The following IDO1 variants were observed in gnomAD, a reference collection of about 807,000 sequenced individuals.
IDO1 encodes the protein indolamine 2,3 dioxygenase.
In IDO1, 35 loss-of-function variants were observed where a neutral mutation model predicts 38.8. The observed-to-expected ratio is 0.90, with a 90% CI of 0.69 to 1.20. The LOEUF is 1.20. Ranked by LOEUF, IDO1 falls within the 50% of genes most tolerant of loss-of-function variation. The pLI is 0.00. For synonymous variants in IDO1, 171 were observed against 170.0 expected (o/e 1.01, Z -0.05); for missense variants, 509 against 485.1 (o/e 1.05, Z -0.46).
intron 9 of IDO1, 29 bp downstream of exon 9, chr8:39,925,400 T>A (rs1485220566): frequency 6.3e-7 from 1 of 1,593,456 alleles, no homozygotes; most frequent in East Asian, 2.2e-5. Flanking sequence ...GAAATAATTA[T>A]CTCTTATGTG....
At chr8:39,918,379 T>C (rs1807212568) in intron 3 of IDO1, 172 bp downstream of exon 3, 1 of 607,598 alleles carries the variant, frequency 1.6e-6, no homozygotes, top group South Asian at 2.4e-5. Context: ...CTGTTATCAT[T>C]ATTATATTTT....
Position 39,928,639 on chromosome 8 carries a change from A to G in IDO1, c.*454A>G, listed in dbSNP as rs1338821577. On this transcript the variant is annotated 3_prime_UTR_variant, in exon 10 of 10. Transcript: ENST00000518237. ...TCCCAGCTACTCGGGAGGCTGAGGC[A>G]GGAGAATGGCGTGAACCTGGGAGGC... Among the ~76,000 whole-genome samples, 1 of 151,784 alleles carries G rather than the reference A, an allele frequency of 6.6e-6. No individual in the cohort carries two copies. The highest frequency in any genetic ancestry group is 2.4e-5 in the African/African-American group (1 of 41,322).
intron 9 of IDO1, 64 bp downstream of exon 9, chr8:39,925,435 CA>C (rs1807345559): frequency 7.0e-7 from 1 of 1,435,108 alleles, no homozygotes; most frequent in Admixed American, 2.2e-5. Flanking sequence ...TGGATATCTA[CA>C]AAGCACCTTC....
At chr8:39,927,595 AT>A (rs1432735648) in intron 9 of IDO1, among the ~76,000 whole-genome samples, 1 of 151,524 alleles carries the variant, frequency 6.6e-6, no homozygotes, top group Non-Finnish European at 1.5e-5. Flanking sequence ...AAAAATACTT[AT>A]TGTGAGAAAA....
At chr8:39,914,827 A>G (rs1403870993) in intron 1 of IDO1, among the ~76,000 whole-genome samples, 1 of 152,090 alleles carries the variant, frequency 6.6e-6, no homozygotes, top group Non-Finnish European at 1.5e-5. Flanking sequence ...GTGCAGTGGC[A>G]CGATCTCAGC....
intron 9 of IDO1, among the ~76,000 whole-genome samples, chr8:39,926,378 C>G (rs895007941): frequency 7.9e-5 from 12 of 152,094 alleles, no homozygotes; most frequent in African/African-American, 2.4e-4. Flanking sequence ...GCAAATGAGA[C>G]AGGGCTGTTA....
intron 1 of IDO1, 127 bp downstream of exon 1, chr8:39,914,136 A>T: frequency 1.5e-6 from 1 of 646,470 alleles, no homozygotes; most frequent in Non-Finnish European, 2.7e-6. Flanking sequence ...AGCTGTGTAA[A>T]AATTAGAGAG....
In IDO1 at chr8:39,928,054, C is replaced by A. The variant is rs1256305116; in HGVS notation, c.1081C>A (p.Gln361Lys). The A allele has an allele frequency of 6.2e-7, 1 of 1,610,790 alleles. No individual in the cohort carries two copies. Among genetic ancestry groups the A allele is most frequent in the African/African-American group, 1.3e-5 (1 of 74,906 alleles). The change falls in exon 10 of 10, where the codon CAG becomes AAG. Residue 361 changes from glutamine (Q) to lysine (K), a missense_variant. Gln to Lys is a moderately conservative substitution (Grantham distance 53). Coordinates refer to ENST00000518237, the MANE Select transcript of IDO1 (RefSeq NM_002164.6). ...GTACATCCTGATTCCTGCAAGCCAG[C>A]AGCCAAAGGAGAATAAGACCTCTGA... is the stretch of plus-strand genomic sequence containing the variant. ...TKYILIPASQ[Q>K]PKENKTSEDP...
intron 8 of IDO1, 32 bp downstream of exon 8, chr8:39,924,804 C>T: frequency 2.0e-6 from 3 of 1,523,416 alleles, no homozygotes; most frequent in Non-Finnish European, 2.7e-6. Flanking sequence ...TTTGTTTGCT[C>T]TCACTTAACA....
intron 1 of IDO1, among the ~76,000 whole-genome samples, chr8:39,916,169 A>AAAT (rs752060135): frequency 5.3e-5 from 8 of 150,196 alleles, no homozygotes; most frequent in African/African-American, 2.0e-4. Flanking sequence ...CCATCTCAGG[A>AAAT]AATAATAATA....
At chr8:39,914,703 T>A (rs886971169) in intron 1 of IDO1, among the ~76,000 whole-genome samples, 2 of 152,184 alleles carry the variant, frequency 1.3e-5, no homozygotes, top group Non-Finnish European at 2.9e-5. Context: ...TTCTAAGCAA[T>A]TTACAAATTA....
rs759551618 is a variant in IDO1 at position 39,913,902 on chromosome 8, C to A, written c.-21C>A. 2 of 1,532,316 alleles carry A rather than the reference C, an allele frequency of 1.3e-6. No individual in the cohort carries two copies. Among genetic ancestry groups the A allele is most frequent in the Non-Finnish European group, 1.8e-6 (2 of 1,128,768 alleles). The allele number at this position is 1,532,316 out of a possible 1,614,324, so 94.9% of individuals were successfully genotyped here. A position where few individuals can be genotyped will look rare whatever the true frequency, so the allele number is the denominator to read the frequency against. ...AAAACTCTTCAGACACTGAGGGGCA[C>A]CAGAGGAGCAGACTACAAGAATGGC... is the stretch of plus-strand genomic sequence containing the variant. On this transcript the variant is annotated 5_prime_UTR_variant, in exon 1 of 10. Transcript: ENST00000518237.
chr8:39,927,760 A>G, intron 9 of IDO1, 70 bp from the exon 10 acceptor site: 1 of 960,628 alleles, frequency 1.0e-6, no homozygotes, highest in Non-Finnish European at 1.5e-6. Flanking sequence ...CTCTGACCTC[A>G]CTCTGCCTTT....
At position 39,921,073 on chromosome 8, in the gene IDO1, G is replaced by A. The variant is rs148905887; in HGVS notation, c.437+959G>A. Reference sequence around the variant, plus strand: ...GGAAAAAGGTAAGAGTATTCATAGCGGAAGAAACAGCAAAAGTGAGACCTT... The same window carrying A: ...GGAAAAAGGTAAGAGTATTCATAGCAGAAGAAACAGCAAAAGTGAGACCTT... On this transcript the variant is annotated intron_variant, in intron 5 of 9. Transcript: ENST00000518237. Among the ~76,000 whole-genome samples, 162 of 152,268 alleles carry A rather than the reference G, an allele frequency of 1.1e-3. 1 individual carries two copies. Among genetic ancestry groups the A allele is most frequent in the African/African-American group, 3.7e-3 (154 of 41,548 alleles).
At chr8:39,922,438 T>C in intron 5 of IDO1, 114 bp from the exon 6 acceptor site, 2 of 709,242 alleles carry the variant, frequency 2.8e-6, no homozygotes, top group Admixed American at 2.1e-5. Flanking sequence ...TAGTAAGGCC[T>C]GCCACACCTC....
rs538117842 is a variant in IDO1, at chr8:39,928,539, T to G, written c.*354T>G. On this transcript the variant is annotated 3_prime_UTR_variant, in exon 10 of 10. Transcript: ENST00000518237. ...ACAAGGTCAGGAGATCGAGACCATC[T>G]TGGCTAACACGGTGAAACCCCGTCT... The G allele has an allele frequency of 1.2e-5, 2 of 167,336 alleles. No individual in the cohort carries two copies. Among genetic ancestry groups the G allele is most frequent in the Non-Finnish European group, 2.6e-5 (2 of 77,206 alleles). 10.4% of individuals were successfully genotyped at this position (167,336 alleles called of 1,614,324 possible). A position where few individuals can be genotyped will look rare whatever the true frequency, so the allele number is the denominator to read the frequency against.
intron 3 of IDO1, 45 bp from the exon 4 acceptor site, chr8:39,918,759 AAAAAAAAAAAC>A (rs1807220364): frequency 1.2e-5 from 8 of 686,978 alleles, no homozygotes; most frequent in African/African-American, 1.9e-5. Context: ...AAAAAAAAAA[AAAAAAAAAAAC>A]AACAACAACA....
intron 5 of IDO1, 136 bp downstream of exon 5, chr8:39,920,250 G>C: frequency 1.6e-6 from 1 of 636,452 alleles, no homozygotes; most frequent in South Asian, 2.2e-5. Flanking sequence ...TGACTATTTA[G>C]AGAACAAATA....
chr8:39,917,397 G>C (rs951839876), intron 1 of IDO1, among the ~76,000 whole-genome samples: 1 of 152,234 alleles, frequency 6.6e-6, no homozygotes, highest in African/African-American at 2.4e-5. Context: ...TTGGGAGGCT[G>C]AGGCAGGAGA....
Sources: gnomAD v4.1 joint callset for allele counts (sites outside exome capture counted in the v4.1 genomes callset) on GRCh38, gnomAD v4.1.1 for gene constraint, MANE v1.5 for transcripts, NCBI Gene and HGNC (gene_info 2026-07-23, HGNC 2026-07-21) for gene names.